PNPLA7: variants seen among roughly 807,000 people sequenced by gnomAD.
PNPLA7 encodes the protein patatin-like phospholipase domain-containing protein 7.
Under a neutral mutation model 161.7 loss-of-function variants are expected in PNPLA7, and 153 were observed. That is an observed-to-expected ratio of 0.95 (90% CI 0.83 to 1.08). The LOEUF is 1.08. PNPLA7 is among the 50% of genes least tolerant of loss of function. The pLI, the probability that PNPLA7 is intolerant of heterozygous loss-of-function variation, is 0.00. For synonymous variants in PNPLA7, 809 were observed against 782.1 expected (o/e 1.03, Z -0.57); for missense variants, 1,739 against 1,856.6 (o/e 0.94, Z 1.16).
At chr9:137,492,173 AG>A in intron 20 of PNPLA7, 1 of 985,304 alleles carries the variant, frequency 1.0e-6, no homozygotes, top group Non-Finnish European at 1.2e-6. Flanking sequence ...CCTCAGAACT[AG>A]GAAAGAATGA....
rs1423719331 is a variant in PNPLA7 at position 137,460,446 on chromosome 9, G to C, written c.3976C>G (p.Pro1326Ala). ...GACAGTTTTGGGAAAGCCAGACTGGGGTGTCGATGCCGCAGTGAGGACTCG... is the reference window on the plus strand; with the variant it reads ...GACAGTTTTGGGAAAGCCAGACTGGCGTGTCGATGCCGCAGTGAGGACTCG... ...EDESSLRHRH[P>A]SLAFPKLSEG... is the part of the protein sequence containing the mutation. Residue 1326 changes from proline (P) to alanine (A), a missense_variant, in exon 35 of 35, where the codon CCC (proline) becomes GCC (alanine). By Grantham distance (27) the Pro-to-Ala change is conservative. Transcript: ENST00000406427. 2 of 1,612,696 alleles carry C rather than the reference G, an allele frequency of 1.2e-6. No individual in the cohort carries two copies. The highest frequency in any genetic ancestry group is 1.7e-6 in the Non-Finnish European group (2 of 1,179,912).
chr9:137,477,175 C>T (rs926243926), intron 25 of PNPLA7, among the ~76,000 whole-genome samples: 1 of 152,258 alleles, frequency 6.6e-6, no homozygotes, highest in Non-Finnish European at 1.5e-5. Flanking sequence ...GCACCTGGCT[C>T]AGCAGAGGGG....
At chr9:137,488,690 G>T (rs1201958782) in intron 20 of PNPLA7, among the ~76,000 whole-genome samples, 1 of 152,010 alleles carries the variant, frequency 6.6e-6, no homozygotes, top group Non-Finnish European at 1.5e-5. Flanking sequence ...GACACTGACT[G>T]GCACCAAGCA....
rs141876372 is a variant in PNPLA7, at chr9:137,497,189, C to T, written c.2011G>A (p.Val671Met). The T allele has an allele frequency of 4.7e-5, 74 of 1,575,416 alleles. No homozygotes were observed. The highest frequency in any genetic ancestry group is 4.6e-4 in the African/African-American group (34 of 73,258). ...GEYGRGDLVG[V>M]VETLTHQARA... is the part of the protein sequence containing the mutation. ...CAGGAGCAGGGCCCAGCACCTACCA[C>T]GCCGACGAGGTCTCCTCGGCCGTAC... Residue 671 changes from valine to methionine, a missense_variant and splice_region_variant, in exon 18 of 35, where the codon GTG (valine) becomes ATG (methionine). By Grantham distance (21) the Val-to-Met change is conservative. Around this residue, in one of 6 missense-constraint regions of PNPLA7, gnomAD observed 481 missense variants for 450.0 expected, o/e 1.07. Coordinates refer to ENST00000406427, the MANE Select transcript of PNPLA7 (RefSeq NM_001098537.3).
chr9:137,511,545 G>T (rs564257088), intron 12 of PNPLA7, among the ~76,000 whole-genome samples: 1 of 151,962 alleles, frequency 6.6e-6, no homozygotes, highest in Non-Finnish European at 1.5e-5. Flanking sequence ...TGGCGGTAGC[G>T]CCAGCGCCTG....
intron 25 of PNPLA7, among the ~76,000 whole-genome samples, chr9:137,473,818 G>A (rs1445370601): frequency 6.6e-6 from 1 of 152,224 alleles, no homozygotes; most frequent in Non-Finnish European, 1.5e-5. Flanking sequence ...CGGTGGGGAT[G>A]TGGGTCACTC....
Position 137,543,848 on chromosome 9 carries a change from C to A in PNPLA7, c.274-33G>T. ...GCCAAGGGAGAGACCAGCCACTGACCCTGCAAGCCGCAAGGTCCAAGCTCT... is the reference window on the plus strand; with the variant it reads ...GCCAAGGGAGAGACCAGCCACTGACACTGCAAGCCGCAAGGTCCAAGCTCT... On this transcript the variant is annotated intron_variant, in intron 4 of 34. Coordinates refer to ENST00000406427, the MANE Select transcript of PNPLA7 (RefSeq NM_001098537.3). This position sits in a 1 kb window ranked among gnomAD's most constrained non-coding sequence, Gnocchi z 6.9. 6.3e-7 allele frequency: 1 copy of A among 1,578,956 alleles called. No individual in the cohort carries two copies. The highest frequency in any genetic ancestry group is 8.7e-7 in the Non-Finnish European group (1 of 1,148,784).
rs751886136 is a variant in PNPLA7, at chr9:137,541,246, C to T, written c.667-524G>A. 6.6e-6 allele frequency among the ~76,000 whole-genome samples: 1 copy of T among 152,178 alleles called. No individual in the cohort carries two copies. Among genetic ancestry groups the T allele is most frequent in the African/African-American group, 2.4e-5 (1 of 41,442 alleles). On this transcript the variant is annotated intron_variant, in intron 7 of 34. Transcript: ENST00000406427. The surrounding 1 kb of genome is among the most constrained non-coding windows in gnomAD (Gnocchi z 4.4). ...AGCCCCTCCCATCTAGTCCAAAGGC[C>T]AGAGGGACACGGGTTCTGGTCCTTC... is the stretch of plus-strand genomic sequence containing the variant.
Position 137,522,715 on chromosome 9 carries a change from A to G in PNPLA7, c.876+14T>C, listed in dbSNP as rs774581889. On this transcript the variant is annotated intron_variant, in intron 9 of 34. Coordinates refer to ENST00000406427, the MANE Select transcript of PNPLA7 (RefSeq NM_001098537.3). Reference sequence around the variant, plus strand: ...CCACAGCAGCTAGAAGAGTTGTCTGAAAAAGTGACTCACCTGCACCACCCT... The same window carrying G: ...CCACAGCAGCTAGAAGAGTTGTCTGGAAAAGTGACTCACCTGCACCACCCT... 5 of 1,612,612 alleles carry G rather than the reference A, an allele frequency of 3.1e-6. No homozygotes were observed. Among genetic ancestry groups the G allele is most frequent in the Non-Finnish European group, 4.2e-6 (5 of 1,179,370 alleles).
rs866547266 is a variant in PNPLA7 at position 137,460,637 on chromosome 9, G to T, written c.3942C>A (p.Asp1314Glu). ...FQSTSAQQGS[D>E]LEDESSLRHR... ...GGGACCATGCCCAGCTCCTCACCAA[G>T]TCTGAGCCCTGCTGGGCTGAGGTGC... is the stretch of plus-strand genomic sequence containing the variant. The change falls in exon 34 of 35, where the codon GAC becomes GAA. Residue 1314 changes from aspartate to glutamate, a missense_variant. Around this residue, in one of 6 missense-constraint regions of PNPLA7, gnomAD observed 703 missense variants for 694.6 expected, o/e 1.01. Transcript: ENST00000406427. 3.1e-6 allele frequency: 5 copies of T among 1,612,118 alleles called. No homozygotes were observed. The African/African-American group carries it at 4.0e-5, about 13-fold the overall frequency.
In PNPLA7 at chr9:137,492,287, C is replaced by A; in HGVS notation, c.2197+726G>T. 7 of 985,318 alleles carry A rather than the reference C, an allele frequency of 7.1e-6. No individual in the cohort carries two copies. In the South Asian group the frequency reaches 2.8e-4, roughly 40 times the overall value. 61.0% of individuals were successfully genotyped at this position (985,318 alleles called of 1,614,324 possible). A position where few individuals can be genotyped will look rare whatever the true frequency, so the allele number is the denominator to read the frequency against. ...GAGAGCACTCTCCGCTCCACCAATA[C>A]CGTTTCCGGAGGTTTCACCCTGTTT... On this transcript the variant is annotated intron_variant, in intron 20 of 34. Coordinates refer to ENST00000406427, the MANE Select transcript of PNPLA7 (RefSeq NM_001098537.3).
intron 12 of PNPLA7, among the ~76,000 whole-genome samples, chr9:137,507,815 A>G (rs902898419): frequency 1.3e-5 from 2 of 152,232 alleles, no homozygotes; most frequent in Non-Finnish European, 2.9e-5. Context: ...GCTGCTCAAG[A>G]GGCCAAGCCG....
At chr9:137,497,742 T>C (rs1242698793) in intron 17 of PNPLA7, among the ~76,000 whole-genome samples, 1 of 152,158 alleles carries the variant, frequency 6.6e-6, no homozygotes, top group Non-Finnish European at 1.5e-5. Context: ...TTGGCAAGGC[T>C]GGTCTCAAAC....
intron 8 of PNPLA7, among the ~76,000 whole-genome samples, chr9:137,536,687 G>A (rs746234780): frequency 2.3e-4 from 35 of 152,200 alleles, no homozygotes; most frequent in South Asian, 6.2e-4. Context: ...CCATGAAGTC[G>A]AAAGAACCGC....
At chr9:137,549,969 G>A (rs1224104140) in intron 1 of PNPLA7, among the ~76,000 whole-genome samples, 199 bp downstream of exon 1, 5 of 152,234 alleles carry the variant, frequency 3.3e-5, no homozygotes, top group Non-Finnish European at 1.5e-5. Context: ...TGTCTGCTGT[G>A]ACAGGCGCGT....
rs201719395 is a variant in PNPLA7, at chr9:137,543,613, G to C, written c.366-41C>G. 5,438 of 1,605,866 alleles carry C rather than the reference G, an allele frequency of 3.4e-3. 10 individuals are homozygous for C. The highest frequency in any genetic ancestry group is 4.3e-3 in the Non-Finnish European group (5,074 of 1,175,262). ...ACACTAGCCTTGAGCAGACCAGGCG[G>C]GTTCGAAACCCACAGCATCAGTGGC... On this transcript the variant is annotated intron_variant, in intron 5 of 34. Coordinates refer to ENST00000406427, the MANE Select transcript of PNPLA7 (RefSeq NM_001098537.3). The surrounding 1 kb of genome is among the most constrained non-coding windows in gnomAD (Gnocchi z 6.9).
rs1254295627 is a variant in PNPLA7 at position 137,460,505 on chromosome 9, G to A, written c.3946-29C>T. On this transcript the variant is annotated intron_variant, in intron 34 of 34. Coordinates refer to ENST00000406427, the MANE Select transcript of PNPLA7 (RefSeq NM_001098537.3). ...CAAGCAGACCGCATGTTCCAGGTGA[G>A]GACCAGGCAGGGCAGGGGCTCTGCA... is the stretch of plus-strand genomic sequence containing the variant. 5.0e-6 allele frequency: 8 copies of A among 1,610,702 alleles called. No homozygotes were observed. The Admixed American group carries it at 1.2e-4, about 23-fold the overall frequency.
intron 21 of PNPLA7, among the ~76,000 whole-genome samples, chr9:137,481,305 C>G (rs978758443): frequency 3.3e-5 from 5 of 152,214 alleles, no homozygotes; most frequent in African/African-American, 1.2e-4. Context: ...CTCTGAGCCT[C>G]GGTCCCCTCC....
chr9:137,497,100 C>CTG (rs1833100165), intron 18 of PNPLA7, 87 bp downstream of exon 18: 3 of 1,319,330 alleles, frequency 2.3e-6, no homozygotes, highest in Middle Eastern at 2.8e-4. Flanking sequence ...TCCCAAGTAA[C>CTG]TGGCCAGGCC....
Sources: gnomAD v4.1 joint callset for allele counts (sites outside exome capture counted in the v4.1 genomes callset) on GRCh38, gnomAD v4.1.1 for gene constraint, gnomAD v4.1.1 regional missense constraint, Gnocchi (gnomAD v3.1) non-coding constraint, MANE v1.5 for transcripts, NCBI Gene and HGNC (gene_info 2026-07-23, HGNC 2026-07-21) for gene names.